Variants in L3MBTL4 observed in about 807,000 individuals in gnomAD.
L3MBTL4 encodes L3MBTL histone methyl-lysine binding protein 4, also known as lethal(3)malignant brain tumor-like protein 4.
In L3MBTL4, 70 loss-of-function variants were observed where a neutral mutation model predicts 84.5. That is an observed-to-expected ratio of 0.83 (90% confidence interval 0.68 to 1.01). L3MBTL4 has a LOEUF of 1.01. Ranked by LOEUF, L3MBTL4 falls within the 50% of genes least tolerant of loss-of-function variation. The probability of loss-of-function intolerance (pLI) is 0.00; values close to 1 mark genes in which losing one functional copy is unlikely to be tolerated. For missense variants in L3MBTL4, 715 were observed against 754.8 expected (o/e 0.95, Z 0.62); for synonymous variants, 274 against 259.8 (o/e 1.05, Z -0.52).
chr18:6,030,837 C>A (rs1407477289), intron 16 of L3MBTL4: 1 of 985,084 alleles, frequency 1.0e-6, no homozygotes, highest in African/African-American at 1.7e-5. Context: ...AAAACAGGCA[C>A]ACTAACATGA....
chr18:6,132,812 T>G (rs985784543), intron 14 of L3MBTL4, among the ~76,000 whole-genome samples: 3 of 152,170 alleles, frequency 2.0e-5, no homozygotes, highest in Non-Finnish European at 4.4e-5. Flanking sequence ...ATTGTGTCTG[T>G]GTCCACAGCC....
At chr18:6,275,464 G>A (rs575102170) in intron 4 of L3MBTL4, among the ~76,000 whole-genome samples, 2 of 152,282 alleles carry the variant, frequency 1.3e-5, no homozygotes, top group South Asian at 4.1e-4. Flanking sequence ...AGGGATGTGA[G>A]GCTGGAGAAA....
chr18:6,360,870 G>A (rs994414546), intron 1 of L3MBTL4, among the ~76,000 whole-genome samples: 1 of 150,352 alleles, frequency 6.7e-6, no homozygotes, highest in South Asian at 2.1e-4. Flanking sequence ...AAAATTAGCT[G>A]GGCATGGTAG....
chr18:6,309,441 A>T (rs1350587109), intron 3 of L3MBTL4, among the ~76,000 whole-genome samples: 2 of 152,252 alleles, frequency 1.3e-5, no homozygotes, highest in East Asian at 3.8e-4. Flanking sequence ...AGGTAGACTA[A>T]GAATATGGCC....
intron 1 of L3MBTL4, among the ~76,000 whole-genome samples, chr18:6,383,925 C>T (rs1329692034): frequency 2.6e-5 from 4 of 152,142 alleles, no homozygotes; most frequent in East Asian, 3.8e-4. Context: ...AAAGATATTA[C>T]CAATTGCCTT....
At chr18:6,332,556 A>G (rs1169275888) in intron 1 of L3MBTL4, among the ~76,000 whole-genome samples, 2 of 152,208 alleles carry the variant, frequency 1.3e-5, no homozygotes, top group Non-Finnish European at 2.9e-5. Flanking sequence ...AAGAGATTCA[A>G]TTCTAGGATT....
At chr18:6,025,469 T>C (rs927905354) in intron 16 of L3MBTL4, among the ~76,000 whole-genome samples, 17 of 152,224 alleles carry the variant, frequency 1.1e-4, no homozygotes, top group African/African-American at 3.9e-4. Context: ...GTCTGATTAA[T>C]GCATTTGTGT....
chr18:6,063,887 T>C (rs367928143), intron 16 of L3MBTL4, among the ~76,000 whole-genome samples: 1 of 152,098 alleles, frequency 6.6e-6, no homozygotes, highest in East Asian at 1.9e-4. Flanking sequence ...TATTTTTGTT[T>C]TTGCTGTATT....
chr18:6,339,303 A>G (rs1328359445), intron 1 of L3MBTL4, among the ~76,000 whole-genome samples: 7 of 152,250 alleles, frequency 4.6e-5, no homozygotes, highest in Non-Finnish European at 8.8e-5. Flanking sequence ...AAAAAATATT[A>G]TCTAAACACA....
chr18:6,216,593 G>A (rs902540116), intron 10 of L3MBTL4, among the ~76,000 whole-genome samples: 1 of 149,694 alleles, frequency 6.7e-6, no homozygotes, highest in African/African-American at 2.5e-5. Context: ...TATTTGTTTT[G>A]TCAAATTGAA....
chr18:6,136,967 G>C (rs1598871575), intron 14 of L3MBTL4, among the ~76,000 whole-genome samples: 1 of 152,172 alleles, frequency 6.6e-6, no homozygotes, highest in East Asian at 1.9e-4. Flanking sequence ...TTCTCAAGTT[G>C]CCCTCCTGGC....
chr18:6,262,296 C>T (rs936588406), intron 5 of L3MBTL4, among the ~76,000 whole-genome samples: 2 of 152,182 alleles, frequency 1.3e-5, no homozygotes, highest in African/African-American at 2.4e-5. Flanking sequence ...CAGCCAACCA[C>T]CTTCAAAGAT....
intron 16 of L3MBTL4, among the ~76,000 whole-genome samples, chr18:6,014,489 C>T (rs481212): frequency 0.32 from 48,736 of 152,020 alleles, 10,281 homozygotes; most frequent in African/African-American, 0.57. Flanking sequence ...CCCATCCAGA[C>T]CATGAGGTTA....
intron 1 of L3MBTL4, among the ~76,000 whole-genome samples, chr18:6,350,184 G>A (rs1221878738): frequency 2.0e-5 from 3 of 152,076 alleles, no homozygotes; most frequent in Admixed American, 6.5e-5. Context: ...AAACCCTCAC[G>A]GCATTGGATT....
At chr18:6,054,286 G>T (rs1278626122) in intron 16 of L3MBTL4, among the ~76,000 whole-genome samples, 2 of 152,012 alleles carry the variant, frequency 1.3e-5, no homozygotes, top group South Asian at 4.2e-4. Context: ...CCACCGGCTC[G>T]CATTAGGAGG....
At chr18:6,147,510 G>A (rs932121084) in intron 13 of L3MBTL4, among the ~76,000 whole-genome samples, 2 of 151,998 alleles carry the variant, frequency 1.3e-5, no homozygotes, top group Admixed American at 6.6e-5. Flanking sequence ...ATTTTAAAAG[G>A]TTCCTAAAAA....
chr18:6,274,977 A>C (rs2049020890), intron 4 of L3MBTL4, among the ~76,000 whole-genome samples: 2 of 152,226 alleles, frequency 1.3e-5, no homozygotes, highest in African/African-American at 4.8e-5. Flanking sequence ...ACTATGCAAG[A>C]CAAAACTAGA....
intron 13 of L3MBTL4, among the ~76,000 whole-genome samples, chr18:6,169,596 G>A (rs930700324): frequency 3.5e-4 from 52 of 148,648 alleles, no homozygotes; most frequent in Non-Finnish European, 7.4e-4. Context: ...ACCAAACACC[G>A]CATGTTCTCA....
intron 12 of L3MBTL4, among the ~76,000 whole-genome samples, chr18:6,204,113 A>G (rs2045767016): frequency 6.6e-6 from 1 of 150,470 alleles, no homozygotes; most frequent in Non-Finnish European, 1.5e-5. Context: ...CAACCCTGAA[A>G]CACCACTCCA....
Sources: gnomAD v4.1 joint callset for allele counts (sites outside exome capture counted in the v4.1 genomes callset) on GRCh38, gnomAD v4.1.1 for gene constraint, MANE v1.5 for transcripts, NCBI Gene and HGNC (gene_info 2026-07-23, HGNC 2026-07-21) for gene names.